The following ZNF365 variants were observed in gnomAD, a reference collection of about 807,000 sequenced individuals.
ZNF365 encodes protein ZNF365.
In ZNF365, 22 loss-of-function variants were observed where a neutral mutation model predicts 35.0. The observed-to-expected ratio is 0.63, with a 90% CI of 0.45 to 0.90. The LOEUF is 0.90. Ranked by LOEUF, ZNF365 falls within the 40% of genes least tolerant of loss-of-function variation. The probability of loss-of-function intolerance (pLI) is 0.00; values close to 1 mark genes in which losing one functional copy is unlikely to be tolerated. For synonymous variants in ZNF365, 188 were observed against 196.2 expected, an observed-to-expected ratio of 0.96 and a Z score of 0.35; for missense variants, 448 against 500.3, an observed-to-expected ratio of 0.90 and a Z score of 1.00.
At chr10:62,479,966 A>G in exon 5 of ZNF365, 1 of 1,604,998 alleles carries the variant, frequency 6.2e-7, no homozygotes. Flanking sequence ...TGTGCCAGAG[A>G]AGCTTTCATT....
At chr10:62,392,945 T>G (rs1204727696) in intron 3 of ZNF365, among the ~76,000 whole-genome samples, 2 of 152,224 alleles carry the variant, frequency 1.3e-5, no homozygotes, top group East Asian at 3.8e-4. Flanking sequence ...TGTGCTTATT[T>G]TTATACCAGA....
At chr10:62,420,404 G>A (rs567426372) in intron 3 of ZNF365, among the ~76,000 whole-genome samples, 1 of 152,256 alleles carries the variant, frequency 6.6e-6, no homozygotes, top group South Asian at 2.1e-4. Flanking sequence ...GTAACACTGA[G>A]ACTTAAGCTT....
intron 3 of ZNF365, among the ~76,000 whole-genome samples, chr10:62,442,729 A>G (rs1840522001): frequency 6.6e-6 from 1 of 152,172 alleles, no homozygotes; most frequent in South Asian, 2.1e-4. Context: ...TTCTTTTCCA[A>G]CAAGGGAAAA....
chr10:62,400,672 T>C lies in ZNF365; in HGVS notation c.*883T>C. On this transcript the variant is annotated 3_prime_UTR_variant, in exon 5 of 5. Transcript: ENST00000395254. ...TGCATCGTGACCATCCTGGAAGCAC[T>C]GCGGGTGTCGCCAAGCCCTTTCCTA... 1.0e-6 allele frequency: 1 copy of C among 985,744 alleles called. No homozygotes were observed. The highest frequency in any genetic ancestry group is 1.2e-6 in the Non-Finnish European group (1 of 830,046). 61.1% of individuals were successfully genotyped at this position (985,744 alleles called of 1,614,324 possible).
chr10:62,393,808 C>T (rs1839675819), intron 3 of ZNF365, among the ~76,000 whole-genome samples: 1 of 152,148 alleles, frequency 6.6e-6, no homozygotes, highest in African/African-American at 2.4e-5. Flanking sequence ...AAGAAATTTA[C>T]AGACGAGAGC....
At chr10:62,417,834 A>G (rs1228338677) in intron 3 of ZNF365, among the ~76,000 whole-genome samples, 1 of 151,950 alleles carries the variant, frequency 6.6e-6, no homozygotes, top group Non-Finnish European at 1.5e-5. Flanking sequence ...TCTTAAAAAG[A>G]CTGACTTTTT....
intron 4 of ZNF365, among the ~76,000 whole-genome samples, chr10:62,466,200 C>T (rs1840940835): frequency 6.6e-6 from 1 of 152,232 alleles, no homozygotes; most frequent in Admixed American, 6.5e-5. Flanking sequence ...GTAACACCCT[C>T]TTTGGGGTTC....
chr10:62,388,603 G>A, intron 3 of ZNF365, 27 bp downstream of exon 3: 1 of 1,611,962 alleles, frequency 6.2e-7, no homozygotes, highest in Non-Finnish European at 8.5e-7. Flanking sequence ...CAGCCACCGA[G>A]TGTAAGATCC....
At chr10:62,472,489 C>G (rs1841058530) in intron 4 of ZNF365, among the ~76,000 whole-genome samples, 1 of 152,072 alleles carries the variant, frequency 6.6e-6, no homozygotes, top group African/African-American at 2.4e-5. Flanking sequence ...TGAACACAGG[C>G]AACACATAGA....
chr10:62,384,158 G>C (rs1398266644), intron 2 of ZNF365, among the ~76,000 whole-genome samples: 1 of 150,688 alleles, frequency 6.6e-6, no homozygotes, highest in Non-Finnish European at 1.5e-5. Context: ...GCCGGAAGTG[G>C]CTTAGAACCA....
intron 3 of ZNF365, among the ~76,000 whole-genome samples, chr10:62,410,690 A>G (rs1436025944): frequency 6.6e-6 from 1 of 152,154 alleles, no homozygotes; most frequent in African/African-American, 2.4e-5. Context: ...TGTAAAGGAC[A>G]TTATCTCATT....
chr10:62,469,534 G>A (rs1840999531), intron 4 of ZNF365, among the ~76,000 whole-genome samples: 1 of 152,126 alleles, frequency 6.6e-6, no homozygotes, highest in Non-Finnish European at 1.5e-5. Context: ...GATGGAGCTT[G>A]TATTGAGAAA....
chr10:62,380,989 T>G (rs1057031639), intron 2 of ZNF365, among the ~76,000 whole-genome samples: 2 of 152,022 alleles, frequency 1.3e-5, no homozygotes, highest in Admixed American at 1.3e-4. Flanking sequence ...GTGAGGTGTG[T>G]GGGGGGGAAC....
At chr10:62,479,375 C>T (rs1457135619) in intron 4 of ZNF365, among the ~76,000 whole-genome samples, 1 of 152,104 alleles carries the variant, frequency 6.6e-6, no homozygotes, top group African/African-American at 2.4e-5. Context: ...AGAATTGGAG[C>T]ACTAAAAACA....
chr10:62,450,476 T>G (rs145697995), intron 3 of ZNF365, among the ~76,000 whole-genome samples: 116 of 152,278 alleles, frequency 7.6e-4, no homozygotes, highest in African/African-American at 2.7e-3. Context: ...GTCTTGAGAT[T>G]CTTAATAATT....
intron 3 of ZNF365, among the ~76,000 whole-genome samples, chr10:62,449,093 G>A (rs1295766866): frequency 6.6e-6 from 1 of 152,194 alleles, no homozygotes; most frequent in Non-Finnish European, 1.5e-5. Flanking sequence ...AGAGAGGAAA[G>A]CTTTCAATTA....
intron 4 of ZNF365, among the ~76,000 whole-genome samples, chr10:62,464,526 G>T (rs1347725764): frequency 1.3e-5 from 2 of 152,230 alleles, no homozygotes; most frequent in Admixed American, 6.5e-5. Flanking sequence ...TGAATGGATG[G>T]TTGCTCTGTC....
At chr10:62,480,059 A>C in exon 5 of ZNF365, 1 of 1,376,438 alleles carries the variant, frequency 7.3e-7, no homozygotes, top group Non-Finnish European at 9.6e-7. Context: ...TTTACTCACC[A>C]GGAGTGGGTT....
intron 3 of ZNF365, among the ~76,000 whole-genome samples, chr10:62,447,415 G>A (rs1840608270): frequency 6.6e-6 from 1 of 152,164 alleles, no homozygotes; most frequent in Non-Finnish European, 1.5e-5. Context: ...TTGAAAGCTA[G>A]CCCATCTGTA....
Sources: allele counts gnomAD v4.1 joint callset (sites outside exome capture counted in the v4.1 genomes callset), GRCh38; gene constraint gnomAD v4.1.1; transcripts MANE v1.5; gene names NCBI Gene and HGNC (gene_info 2026-07-23, HGNC 2026-07-21).